ANKRD66: variants seen among roughly 807,000 people sequenced by gnomAD.
ANKRD66 encodes ankyrin repeat domain 66, also known as ankyrin repeat domain-containing protein 66.
Under a neutral mutation model 10.9 loss-of-function variants are expected in ANKRD66, and 10 were observed. The ratio of observed to expected loss-of-function variants is 0.91; its 90% CI spans 0.56 to 1.55. The LOEUF (loss-of-function observed/expected upper bound fraction) is 1.55. Among genes scored for constraint, ANKRD66 ranks in the 40% most tolerant of loss-of-function variants. The pLI, the probability that ANKRD66 is intolerant of heterozygous loss-of-function variation, is 0.00. For missense variants in ANKRD66, 252 were observed against 242.9 expected (o/e 1.04, Z -0.25); for synonymous variants, 85 against 88.4 (o/e 0.96, Z 0.22).
chr6:46,751,276 T>C (rs1052973639), intron 2 of ANKRD66, among the ~76,000 whole-genome samples: 1 of 152,168 alleles, frequency 6.6e-6, no homozygotes, highest in Non-Finnish European at 1.5e-5. Flanking sequence ...AACATTTTAA[T>C]ATAATGAAAA....
At chr6:46,754,459 C>T (rs963621176) in intron 4 of ANKRD66, among the ~76,000 whole-genome samples, 5 of 152,066 alleles carry the variant, frequency 3.3e-5, no homozygotes, top group South Asian at 2.1e-4. Flanking sequence ...TTATTTTTTT[C>T]GCTCAGCCAA....
At chr6:46,753,471 G>A (rs1372685898) in intron 3 of ANKRD66, among the ~76,000 whole-genome samples, 1 of 152,160 alleles carries the variant, frequency 6.6e-6, no homozygotes, top group Admixed American at 6.5e-5. Flanking sequence ...GGAGGGGAGT[G>A]TCCTGGAAGG....
intron 2 of ANKRD66, among the ~76,000 whole-genome samples, chr6:46,750,197 C>T (rs190926133): frequency 7.7e-4 from 117 of 152,256 alleles, no homozygotes; most frequent in African/African-American, 2.6e-3. Flanking sequence ...CAGCTCTCAA[C>T]CTTTTCGTTC....
At position 46,753,084 on chromosome 6, in the gene ANKRD66, G is replaced by A. The variant is rs542007607; in HGVS notation, c.164-638G>A. 7.9e-5 allele frequency among the ~76,000 whole-genome samples: 12 copies of A among 152,340 alleles called. No individual in the cohort carries two copies. In the South Asian group the frequency reaches 2.3e-3, roughly 29 times the overall value. Reference sequence around the variant, plus strand: ...GGTAGCTATACCGAAACACCTTTTAGTGAAGATTTGCTATGTGCTGGGCAC... The same window carrying A: ...GGTAGCTATACCGAAACACCTTTTAATGAAGATTTGCTATGTGCTGGGCAC... On this transcript the variant is annotated intron_variant, in intron 3 of 4. Coordinates refer to ENST00000565422, the MANE Select transcript of ANKRD66 (RefSeq NM_001162435.3).
intron 1 of ANKRD66, among the ~76,000 whole-genome samples, chr6:46,748,694 G>A (rs946150548): frequency 2.6e-5 from 4 of 152,102 alleles, no homozygotes; most frequent in African/African-American, 9.7e-5. Flanking sequence ...ATTCCTTTTG[G>A]ACTGAGGCCC....
rs991650437 is a variant in ANKRD66 at position 46,758,992 on chromosome 6, C to T, written c.*71C>T. The T allele has an allele frequency of 2.2e-5, 31 of 1,428,062 alleles. No homozygotes were observed. The African/African-American group carries it at 3.6e-4, about 17-fold the overall frequency. 88.5% of individuals were successfully genotyped at this position (1,428,062 alleles called of 1,614,324 possible). A position where few individuals can be genotyped will look rare whatever the true frequency, so the allele number is the denominator to read the frequency against. Reference sequence around the variant, plus strand: ...GAAATGAGGCTGTTAGGCATGGTGGCCTTTCCATGACTTTACTCATAGACC... The same window carrying T: ...GAAATGAGGCTGTTAGGCATGGTGGTCTTTCCATGACTTTACTCATAGACC... On this transcript the variant is annotated 3_prime_UTR_variant, in exon 5 of 5. Transcript: ENST00000565422.
At chr6:46,748,700 G>A (rs1220859617) in intron 1 of ANKRD66, among the ~76,000 whole-genome samples, 1 of 152,136 alleles carries the variant, frequency 6.6e-6, no homozygotes, top group Non-Finnish European at 1.5e-5. Context: ...TTTGGACTGA[G>A]GCCCAGGCAT....
At chr6:46,749,475 G>A (rs1019512568) in intron 1 of ANKRD66, among the ~76,000 whole-genome samples, 2 of 151,918 alleles carry the variant, frequency 1.3e-5, no homozygotes, top group Non-Finnish European at 2.9e-5. Flanking sequence ...AGGCAAGGGG[G>A]GCAGGGTGGA....
chr6:46,750,292 T>A (rs1262629848), intron 2 of ANKRD66, among the ~76,000 whole-genome samples: 3 of 152,158 alleles, frequency 2.0e-5, no homozygotes, highest in Non-Finnish European at 4.4e-5. Flanking sequence ...TTTATTCTAT[T>A]GGAAATTAAA....
intron 1 of ANKRD66, 63 bp from the exon 2 acceptor site, chr6:46,749,833 T>C (rs1284348040): frequency 6.7e-7 from 1 of 1,502,580 alleles, no homozygotes; most frequent in Non-Finnish European, 8.9e-7. Context: ...TCTTTCTCTC[T>C]GTCCTCTGGG....
At chr6:46,754,576 A>C (rs1291918880) in intron 4 of ANKRD66, among the ~76,000 whole-genome samples, 1 of 152,222 alleles carries the variant, frequency 6.6e-6, no homozygotes, top group Non-Finnish European at 1.5e-5. Flanking sequence ...CAAGCAATTC[A>C]TACAAGAGAA....
At position 46,753,835 on chromosome 6, in the gene ANKRD66, C is replaced by A. The variant is rs1019163649; in HGVS notation, c.277C>A (p.Leu93Ile). The change falls in exon 4 of 5, where the codon CTC becomes ATC. Residue 93 changes from leucine (L) to isoleucine (I), a missense_variant. By Grantham distance (5) the Leu-to-Ile change is conservative. Coordinates refer to ENST00000565422, the MANE Select transcript of ANKRD66 (RefSeq NM_001162435.3). ...AGCAGAAGCAGGCCATCTGAATATACTCAAAACTCTCCATGCATTGCACGC... is the reference window on the plus strand; with the variant it reads ...AGCAGAAGCAGGCCATCTGAATATAATCAAAACTCTCCATGCATTGCACGC... ...FAAEAGHLNILKTLHALHAAI... is the reference protein window; with the variant it reads ...FAAEAGHLNIIKTLHALHAAI... 3.9e-6 allele frequency: 6 copies of A among 1,551,578 alleles called. No individual in the cohort carries two copies.
chr6:46,749,474 G>A (rs1008673743), intron 1 of ANKRD66, among the ~76,000 whole-genome samples: 7 of 151,952 alleles, frequency 4.6e-5, no homozygotes, highest in African/African-American at 1.2e-4. Flanking sequence ...CAGGCAAGGG[G>A]GGCAGGGTGG....
chr6:46,750,059 G>GT, intron 2 of ANKRD66, 80 bp downstream of exon 2: 1 of 748,274 alleles, frequency 1.3e-6, no homozygotes, highest in South Asian at 1.5e-5. Context: ...CACAGTTAGT[G>GT]AAGTTGACTC....
intron 2 of ANKRD66, 139 bp downstream of exon 2, chr6:46,750,118 C>T (rs1422264548): frequency 3.7e-6 from 2 of 546,614 alleles, no homozygotes; most frequent in African/African-American, 3.8e-5. Flanking sequence ...AGAGACATTC[C>T]CAATGGCCCC....
chr6:46,750,012 T>G (rs951718136), intron 2 of ANKRD66, 33 bp downstream of exon 2: 4 of 1,158,032 alleles, frequency 3.5e-6, no homozygotes, highest in Middle Eastern at 4.3e-4. Context: ...TAATTTGCAT[T>G]TCTAACAAGT....
At chr6:46,748,433 C>A (rs1024607908) in intron 1 of ANKRD66, among the ~76,000 whole-genome samples, 4 of 152,172 alleles carry the variant, frequency 2.6e-5, no homozygotes, top group Admixed American at 2.6e-4. Context: ...GAAAGGCAAG[C>A]GAAAAACTTC....
At chr6:46,753,241 G>C (rs1766306622) in intron 3 of ANKRD66, among the ~76,000 whole-genome samples, 1 of 152,202 alleles carries the variant, frequency 6.6e-6, no homozygotes, top group Non-Finnish European at 1.5e-5. Context: ...GGTGCCACTT[G>C]TTAGCAAGTG....
At chr6:46,756,697 G>A (rs541637915) in intron 4 of ANKRD66, 1 of 152,280 alleles carries the variant, frequency 6.6e-6, no homozygotes, top group South Asian at 2.1e-4. Flanking sequence ...TCATTAGGGA[G>A]CTCCTCACGC....
Sources: gnomAD v4.1 joint callset for allele counts (sites outside exome capture counted in the v4.1 genomes callset) on GRCh38, gnomAD v4.1.1 for gene constraint, MANE v1.5 for transcripts, NCBI Gene and HGNC (gene_info 2026-07-23, HGNC 2026-07-21) for gene names.